GFRA2: variants seen among roughly 807,000 people sequenced by gnomAD.
The protein encoded by GFRA2 is GDNF family receptor alpha-2.
A neutral mutation model predicts 48.3 loss-of-function variants in GFRA2; 17 were observed. That is an observed-to-expected ratio of 0.35 (90% CI 0.24 to 0.53). GFRA2 has a LOEUF of 0.53. GFRA2 is among the 20% of genes least tolerant of loss of function. GFRA2 has a pLI of 0.93. For synonymous variants in GFRA2, 305 were observed against 257.2 expected, an observed-to-expected ratio of 1.19 and a Z score of -1.78; for missense variants, 660 against 637.3, an observed-to-expected ratio of 1.04 and a Z score of -0.38.
chr8:21,804,490 C>G (rs553141475), intron 2 of GFRA2, among the ~76,000 whole-genome samples: 1 of 151,486 alleles, frequency 6.6e-6, no homozygotes, highest in Non-Finnish European at 1.5e-5. Context: ...ATGCAAAGTT[C>G]TGAAGGGAGG....
chr8:21,749,531 T>C (rs534948530), intron 4 of GFRA2, among the ~76,000 whole-genome samples: 1 of 151,740 alleles, frequency 6.6e-6, no homozygotes, highest in Non-Finnish European at 1.5e-5. Flanking sequence ...CTCACTCATA[T>C]GATCATTGAG....
intron 4 of GFRA2, among the ~76,000 whole-genome samples, chr8:21,743,290 G>A (rs1804844029): frequency 6.6e-6 from 1 of 152,128 alleles, no homozygotes; most frequent in African/African-American, 2.4e-5. Context: ...GCTGGATGTG[G>A]CTATTGGACT....
At chr8:21,744,198 G>C (rs1244659049) in intron 4 of GFRA2, among the ~76,000 whole-genome samples, 5 of 152,194 alleles carry the variant, frequency 3.3e-5, no homozygotes, top group African/African-American at 1.2e-4. Flanking sequence ...GGGCAAGAAA[G>C]AGAGTGTGTG....
chr8:21,700,568 C>T (rs954574739), intron 7 of GFRA2, among the ~76,000 whole-genome samples: 1 of 152,112 alleles, frequency 6.6e-6, no homozygotes, highest in African/African-American at 2.4e-5. Flanking sequence ...TGGCCCTTCT[C>T]GACTGCCAAC....
intron 3 of GFRA2, among the ~76,000 whole-genome samples, chr8:21,766,949 C>G (rs1806190055): frequency 6.8e-6 from 1 of 147,002 alleles, no homozygotes; most frequent in Non-Finnish European, 1.5e-5. Flanking sequence ...ACACACTCCA[C>G]CACCGACACA....
Position 21,788,389 on chromosome 8 carries a change from G to A in GFRA2, c.-230C>T. The A allele has an allele frequency of 1.5e-6, 2 of 1,339,032 alleles. No individual in the cohort carries two copies. The highest frequency in any genetic ancestry group is 1.9e-6 in the Non-Finnish European group (2 of 1,050,174). 82.9% of individuals were successfully genotyped at this position (1,339,032 alleles called of 1,614,324 possible). A position where few individuals can be genotyped will look rare whatever the true frequency, so the allele number is the denominator to read the frequency against. On this transcript the variant is annotated 5_prime_UTR_variant, in exon 1 of 9. Transcript: ENST00000524240. ...GCTGCTGCCTCTCGACGCCCCCCTT[G>A]CCCGCTACAATCAAATATACGCGTA...
chr8:21,776,834 C>T (rs765165158), intron 2 of GFRA2, among the ~76,000 whole-genome samples: 2,003 of 152,182 alleles, frequency 0.013, 29 homozygotes, highest in Non-Finnish European at 0.016. Flanking sequence ...GGGCCCCTGT[C>T]CAGCCTGGAT....
chr8:21,711,561 G>C (rs1167998752), intron 4 of GFRA2, among the ~76,000 whole-genome samples: 2 of 152,176 alleles, frequency 1.3e-5, no homozygotes, highest in South Asian at 4.1e-4. Flanking sequence ...CCCCCAGTTG[G>C]ATGAAAAGGT....
chr8:21,800,565 G>A (rs1443116211), intron 2 of GFRA2, among the ~76,000 whole-genome samples: 4 of 152,230 alleles, frequency 2.6e-5, no homozygotes, highest in Non-Finnish European at 5.9e-5. Context: ...CTTCTGTGAG[G>A]TAACTGAGAA....
At chr8:21,718,265 C>T (rs1803429588) in intron 4 of GFRA2, among the ~76,000 whole-genome samples, 2 of 152,214 alleles carry the variant, frequency 1.3e-5, no homozygotes, top group African/African-American at 4.8e-5. Flanking sequence ...TCTTCACAAA[C>T]TGTCTCTCTT....
intron 2 of GFRA2, among the ~76,000 whole-genome samples, chr8:21,776,908 G>T (rs1806734174): frequency 6.6e-6 from 1 of 152,150 alleles, no homozygotes; most frequent in Non-Finnish European, 1.5e-5. Context: ...TCCTTGGGGT[G>T]GGGTTACCAG....
Position 21,753,656 on chromosome 8 carries a change from T to C in GFRA2, c.440-2714A>G, listed in dbSNP as rs543730518. 6.6e-5 allele frequency among the ~76,000 whole-genome samples: 10 copies of C among 152,252 alleles called. No individual in the cohort carries two copies. In the South Asian group the frequency reaches 2.1e-3, roughly 32 times the overall value. On this transcript the variant is annotated intron_variant, in intron 3 of 8. Transcript: ENST00000524240. The stretch of plus-strand genomic sequence containing the variant: ...AAAAAGAAAGAAAAGAAAAAAATAA[T>C]GTAAAGTATCTCATAAATTTTTACT...
At chr8:21,763,480 C>A (rs1439480195) in intron 3 of GFRA2, among the ~76,000 whole-genome samples, 1 of 152,088 alleles carries the variant, frequency 6.6e-6, no homozygotes, top group Non-Finnish European at 1.5e-5. Context: ...CCTTCCTGGG[C>A]ACCATTCCTA....
intron 4 of GFRA2, among the ~76,000 whole-genome samples, chr8:21,732,903 A>T (rs981762189): frequency 6.6e-6 from 1 of 152,182 alleles, no homozygotes; most frequent in African/African-American, 2.4e-5. Context: ...GCAAGACCCC[A>T]GAGGCAGGAA....
upstream of GFRA2, among the ~76,000 whole-genome samples, chr8:21,790,501 G>A (rs1266560327): frequency 1.3e-5 from 2 of 152,264 alleles, no homozygotes; most frequent in Non-Finnish European, 2.9e-5. Context: ...GGGAAAGCTA[G>A]AGGGAGCAAC....
At chr8:21,695,850 C>G (rs1314117301) in intron 7 of GFRA2, among the ~76,000 whole-genome samples, 1 of 152,162 alleles carries the variant, frequency 6.6e-6, no homozygotes, top group Admixed American at 6.5e-5. Flanking sequence ...GCTCAGTCAC[C>G]TCAGTCCCTA....
At chr8:21,810,181 C>T (rs571838059) in intron 1 of GFRA2, among the ~76,000 whole-genome samples, 47 of 152,322 alleles carry the variant, frequency 3.1e-4, no homozygotes, top group African/African-American at 1.1e-3. Context: ...GCCACCACCA[C>T]ATCACTTCCA....
At chr8:21,804,645 G>A (rs920146919) in intron 2 of GFRA2, among the ~76,000 whole-genome samples, 3 of 152,132 alleles carry the variant, frequency 2.0e-5, no homozygotes, top group Admixed American at 2.0e-4. Flanking sequence ...TTGGCAGCTT[G>A]AGCACAGCCT....
At chr8:21,705,336 T>G (rs989000864) in intron 5 of GFRA2, among the ~76,000 whole-genome samples, 1 of 152,050 alleles carries the variant, frequency 6.6e-6, no homozygotes. Flanking sequence ...GCCAGCAGCA[T>G]AGAGGACACT....
Sources: allele counts gnomAD v4.1 joint callset (sites outside exome capture counted in the v4.1 genomes callset), GRCh38; gene constraint gnomAD v4.1.1; transcripts MANE v1.5; gene names NCBI Gene and HGNC (gene_info 2026-07-23, HGNC 2026-07-21).